Variants in WDR76 observed in about 807,000 individuals in gnomAD.
The protein encoded by WDR76 is WD repeat domain 76, also known as WD repeat-containing protein 76.
A neutral mutation model predicts 70.2 loss-of-function variants in WDR76; 52 were observed. The ratio of observed to expected loss-of-function variants is 0.74; its 90% CI spans 0.59 to 0.93. The LOEUF (loss-of-function observed/expected upper bound fraction) is 0.93, where lower values mean the gene tolerates loss of function less well. WDR76 is among the 40% of genes least tolerant of loss of function. The pLI is 0.00. For synonymous variants in WDR76, 292 were observed against 271.1 expected (o/e 1.08, Z -0.76); for missense variants, 756 against 760.2 (o/e 0.99, Z 0.07).
In WDR76 at chr15:43,841,453, C is replaced by T. The variant is rs75167384; in HGVS notation, c.733-962C>T. 5.3e-3 allele frequency among the ~76,000 whole-genome samples: 814 copies of T among 152,158 alleles called. 7 individuals are homozygous for T. Among genetic ancestry groups the T allele is most frequent in the African/African-American group, 0.018 (761 of 41,522 alleles). On this transcript the variant is annotated intron_variant, in intron 5 of 12. Transcript: ENST00000263795. ...TCATGATCTGCCCGCCTCGGCCTCC[C>T]AAAATGCTAGGATTACAGGTATGAG...
At chr15:43,850,704 A>G (rs2087847400) in intron 8 of WDR76, among the ~76,000 whole-genome samples, 1 of 152,220 alleles carries the variant, frequency 6.6e-6, no homozygotes, top group African/African-American at 2.4e-5. Context: ...AATATTATAC[A>G]GAAGAAGCCT....
At position 43,866,540 on chromosome 15, in the gene WDR76, CT is replaced by C; in HGVS notation, c.*152del. On this transcript the variant is annotated 3_prime_UTR_variant, in exon 13 of 13. Transcript: ENST00000263795. ...TTAATAAGACTATAAGAAGAGTGTACTTTTAGTAAGGGAGAAGTCTTGGAGG... is the reference window on the plus strand; with the variant it reads ...TTAATAAGACTATAAGAAGAGTGTACTTTAGTAAGGGAGAAGTCTTGGAGG... 1 of 954,084 alleles carries C rather than the reference CT, an allele frequency of 1.0e-6. No individual in the cohort carries two copies. Among genetic ancestry groups the C allele is most frequent in the Non-Finnish European group, 1.5e-6 (1 of 664,988 alleles). The allele number at this position is 954,084 out of a possible 1,614,324, so 59.1% of individuals were successfully genotyped here. A position where few individuals can be genotyped will look rare whatever the true frequency, so the allele number is the denominator to read the frequency against.
At chr15:43,857,961 C>CTTTTTTTTTTTTTTTTTTT (rs397854561) in intron 10 of WDR76, among the ~76,000 whole-genome samples, 1 of 95,536 alleles carries the variant, frequency 1.0e-5, no homozygotes, top group South Asian at 3.7e-4. Flanking sequence ...AGGGTTCTGT[C>CTTTTTTTTTTTTTTTTTTT]TTTTTTTTTT....
At chr15:43,853,356 A>G (rs1321384544) in intron 9 of WDR76, among the ~76,000 whole-genome samples, 1 of 150,736 alleles carries the variant, frequency 6.6e-6, no homozygotes, top group Non-Finnish European at 1.5e-5. Flanking sequence ...ATGCTTGGCT[A>G]ATTTTTGTAT....
At chr15:43,852,500 T>C (rs972135845) in intron 9 of WDR76, among the ~76,000 whole-genome samples, 1 of 152,094 alleles carries the variant, frequency 6.6e-6, no homozygotes, top group Non-Finnish European at 1.5e-5. Flanking sequence ...GCCTCCTGAG[T>C]AGCTGGGACT....
At chr15:43,853,919 A>T (rs1364245545) in intron 9 of WDR76, among the ~76,000 whole-genome samples, 2 of 151,864 alleles carry the variant, frequency 1.3e-5, no homozygotes. Flanking sequence ...AAAAAAACAA[A>T]AAAAAACAAA....
intron 7 of WDR76, 54 bp downstream of exon 7, chr15:43,842,725 A>G (rs562989146): frequency 6.6e-7 from 1 of 1,522,922 alleles, no homozygotes; most frequent in African/African-American, 1.4e-5. Flanking sequence ...TTTGAGTTAT[A>G]AAGACTATAC....
rs1438026917 is a variant in WDR76 at position 43,866,414 on chromosome 15, AT to A, written c.*25del. On this transcript the variant is annotated 3_prime_UTR_variant, in exon 13 of 13. Coordinates refer to ENST00000263795, the MANE Select transcript of WDR76 (RefSeq NM_024908.4). Reference sequence around the variant, plus strand: ...CTGAGTTTTTGGTTTAGGAACATCAATTTGTTCAAATTGACCACTGTCTAAG... The same window carrying A: ...CTGAGTTTTTGGTTTAGGAACATCAATTGTTCAAATTGACCACTGTCTAAG... The A allele has an allele frequency of 1.8e-5, 29 of 1,610,754 alleles. No homozygotes were observed. The highest frequency in any genetic ancestry group is 4.0e-5 in the African/African-American group (3 of 74,806).
intron 10 of WDR76, among the ~76,000 whole-genome samples, chr15:43,858,318 G>A (rs916854895): frequency 4.3e-5 from 6 of 138,092 alleles, no homozygotes; most frequent in Admixed American, 2.2e-4. Context: ...GCAATGGCGC[G>A]ATCTCGGCTC....
rs2088090436 is a variant in WDR76, at chr15:43,867,608, A to G, written c.*1216A>G. On this transcript the variant is annotated 3_prime_UTR_variant, in exon 13 of 13. Transcript: ENST00000263795. Reference sequence around the variant, plus strand: ...CTATAGTACCATGGGTAATGGATAAAGAAGTTAAAGCTACTGCTTAGAATG... The same window carrying G: ...CTATAGTACCATGGGTAATGGATAAGGAAGTTAAAGCTACTGCTTAGAATG... 6.6e-6 allele frequency: 1 copy of G among 151,610 alleles called. No homozygotes were observed. The highest frequency in any genetic ancestry group is 2.1e-4 in the South Asian group (1 of 4,822). 9.4% of individuals were successfully genotyped at this position (151,610 alleles called of 1,614,324 possible).
At chr15:43,851,317 T>A (rs2087857093) in intron 9 of WDR76, 72 bp downstream of exon 9, 1 of 1,567,676 alleles carries the variant, frequency 6.4e-7, no homozygotes, top group African/African-American at 1.4e-5. Flanking sequence ...CATGAATAAT[T>A]ATTATACCAA....
chr15:43,842,333 AACAG>A, intron 5 of WDR76, 78 bp from the exon 6 acceptor site: 2 of 1,247,554 alleles, frequency 1.6e-6, no homozygotes, highest in Non-Finnish European at 2.3e-6. Flanking sequence ...TTGTGGGGAA[AACAG>A]ACAAATACCC....
chr15:43,851,659 T>G (rs146754379), intron 9 of WDR76, among the ~76,000 whole-genome samples: 3 of 152,200 alleles, frequency 2.0e-5, no homozygotes, highest in African/African-American at 7.2e-5. Flanking sequence ...TTTAGCTGGG[T>G]GTGGTGGCTC....
chr15:43,842,250 G>C (rs112905132), intron 5 of WDR76, among the ~76,000 whole-genome samples, 165 bp from the exon 6 acceptor site: 7 of 152,262 alleles, frequency 4.6e-5, no homozygotes, highest in African/African-American at 1.7e-4. Context: ...TAGGGTACCT[G>C]GCATTCATTT....
At chr15:43,845,312 C>T (rs112030070) in intron 8 of WDR76, among the ~76,000 whole-genome samples, 6,143 of 150,042 alleles carry the variant, frequency 0.041, 558 homozygotes, top group Middle Eastern at 0.082. Flanking sequence ...TTTTTGTCTT[C>T]CCCAAAATTC....
chr15:43,836,544 A>G (rs1197020128), intron 4 of WDR76, among the ~76,000 whole-genome samples: 1 of 152,164 alleles, frequency 6.6e-6, no homozygotes, highest in African/African-American at 2.4e-5. Flanking sequence ...TTTTCTGGCT[A>G]TCTTTTTGCG....
intron 8 of WDR76, among the ~76,000 whole-genome samples, chr15:43,845,668 G>T (rs1054005750): frequency 6.6e-6 from 1 of 150,474 alleles, no homozygotes; most frequent in African/African-American, 2.4e-5. Flanking sequence ...CCAGGGACCT[G>T]CTTTGGAATG....
chr15:43,862,759 C>T (rs752964809), intron 12 of WDR76, among the ~76,000 whole-genome samples: 4 of 152,122 alleles, frequency 2.6e-5, no homozygotes, highest in South Asian at 2.1e-4. Context: ...CCACCTGCCT[C>T]GGCCTCCCAA....
chr15:43,851,850 A>T (rs562108629), intron 9 of WDR76, among the ~76,000 whole-genome samples: 1 of 151,980 alleles, frequency 6.6e-6, no homozygotes, highest in Admixed American at 6.6e-5. Context: ...TGGGAGAATC[A>T]CTTGAGCCCA....
Sources: gnomAD v4.1 joint callset for allele counts (sites outside exome capture counted in the v4.1 genomes callset) on GRCh38, gnomAD v4.1.1 for gene constraint, MANE v1.5 for transcripts, NCBI Gene and HGNC (gene_info 2026-07-23, HGNC 2026-07-21) for gene names.